NUP50: variants seen among roughly 807,000 people sequenced by gnomAD.
NUP50 encodes the protein nuclear pore complex protein Nup50.
A neutral mutation model predicts 36.8 loss-of-function variants in NUP50; 14 were observed. The observed-to-expected ratio is 0.38, with a 90% confidence interval of 0.25 to 0.59. The LOEUF (loss-of-function observed/expected upper bound fraction) is 0.59. Among genes scored for constraint, NUP50 ranks in the 20% least tolerant of loss-of-function variants. NUP50 has a pLI of 0.63. For missense variants in NUP50, 455 were observed against 564.6 expected, an observed-to-expected ratio of 0.81 and a Z score of 1.97; for synonymous variants, 195 against 210.8, an observed-to-expected ratio of 0.93 and a Z score of 0.65.
chr22:45,174,500 T>A (rs1469144530), intron 3 of NUP50, among the ~76,000 whole-genome samples: 1 of 152,204 alleles, frequency 6.6e-6, no homozygotes, highest in African/African-American at 2.4e-5. Flanking sequence ...CTTAATCAAC[T>A]TTTACTCTCA....
At chr22:45,166,556 G>C (rs896038085) in intron 1 of NUP50, 1 of 151,836 alleles carries the variant, frequency 6.6e-6, no homozygotes, top group Non-Finnish European at 1.5e-5. Context: ...CAAAGTGCTG[G>C]GATTACAGGC....
intron 7 of NUP50, 140 bp from the exon 8 acceptor site, chr22:45,184,313 C>A: frequency 1.3e-6 from 1 of 761,364 alleles, no homozygotes; most frequent in Non-Finnish European, 2.1e-6. Context: ...GGGAACCAGT[C>A]CTGATTTTGT....
intron 4 of NUP50, among the ~76,000 whole-genome samples, chr22:45,177,448 T>G (rs541988399): frequency 7.2e-5 from 11 of 152,304 alleles, no homozygotes; most frequent in African/African-American, 2.6e-4. Flanking sequence ...CCCAAAGTGT[T>G]GGGATTACAT....
At chr22:45,176,761 TA>T (rs1427058022) in intron 4 of NUP50, among the ~76,000 whole-genome samples, 2 of 152,134 alleles carry the variant, frequency 1.3e-5, no homozygotes, top group Non-Finnish European at 2.9e-5. Flanking sequence ...TTGTTTTTTC[TA>T]AGTTGGAGTC....
intron 5 of NUP50, among the ~76,000 whole-genome samples, chr22:45,180,644 C>G (rs1027119442): frequency 2.0e-5 from 3 of 152,170 alleles, no homozygotes; most frequent in African/African-American, 7.2e-5. Context: ...CTGCAGCGTG[C>G]TGGGATTACA....
chr22:45,171,131 T>G, intron 2 of NUP50: 1 of 1,238,396 alleles, frequency 8.1e-7, no homozygotes, highest in Non-Finnish European at 1.0e-6. Flanking sequence ...CTCCGTGGCC[T>G]TTCGTACAGT....
intron 5 of NUP50, among the ~76,000 whole-genome samples, 160 bp from the exon 6 acceptor site, chr22:45,181,126 C>T (rs2074362389): frequency 7.8e-6 from 1 of 127,762 alleles, no homozygotes; most frequent in Admixed American, 8.8e-5. Context: ...CAGGTACTCC[C>T]TTCTGGCATC....
rs1221590483 is a variant in NUP50, at chr22:45,187,228, C to CA, written c.*2580dup. On this transcript the variant is annotated 3_prime_UTR_variant, in exon 8 of 8. Coordinates refer to ENST00000347635, the MANE Select transcript of NUP50 (RefSeq NM_007172.4). ...CATCCTTTTGCGCATTCCTAGTAAG[C>CA]AAAAAAATTTGTTATGCCATCTTCA... The CA allele has an allele frequency of 2.1e-5, 3 of 144,008 alleles. No individual in the cohort carries two copies. The highest frequency in any genetic ancestry group is 4.5e-5 in the Non-Finnish European group (3 of 66,724). 8.9% of individuals were successfully genotyped at this position (144,008 alleles called of 1,614,324 possible). A position where few individuals can be genotyped will look rare whatever the true frequency, so the allele number is the denominator to read the frequency against.
chr22:45,177,664 CA>C (rs1333760856), intron 4 of NUP50: 1 of 153,134 alleles, frequency 6.5e-6, no homozygotes, highest in Non-Finnish European at 1.5e-5. Context: ...GATCACATCT[CA>C]GATAGGCGTC....
rs1050254310 is a variant in NUP50, at chr22:45,178,243, C to T, written c.346C>T (p.Leu116Phe). Reference sequence around the variant, plus strand: ...CAATTATTAACTTTCTATAGGTTCTCTTGCTGCAAATGGCCCTACCACCTT... The same window carrying T: ...CAATTATTAACTTTCTATAGGTTCTTTTGCTGCAAATGGCCCTACCACCTT... ...AADPKVAFGS[L>F]AANGPTTLVD... The change falls in exon 5 of 8, where the codon CTT becomes TTT. Residue 116 changes from leucine (L) to phenylalanine (F), a missense_variant. Around this residue, in one of 3 missense-constraint regions of NUP50, gnomAD observed 166 missense variants for 202.8 expected, o/e 0.82. Transcript: ENST00000347635. The T allele has an allele frequency of 2.7e-5, 43 of 1,612,022 alleles. No homozygotes were observed. The highest frequency in any genetic ancestry group is 3.5e-5 in the Non-Finnish European group (41 of 1,178,920).
chr22:45,173,801 A>C (rs1038530368), intron 3 of NUP50, among the ~76,000 whole-genome samples: 10 of 152,218 alleles, frequency 6.6e-5, no homozygotes, highest in Non-Finnish European at 1.3e-4. Flanking sequence ...CTTAAGCTGA[A>C]GGGATGAGGG....
At chr22:45,176,866 C>T (rs1445948190) in intron 4 of NUP50, among the ~76,000 whole-genome samples, 1 of 152,088 alleles carries the variant, frequency 6.6e-6, no homozygotes, top group South Asian at 2.1e-4. Context: ...CTCAGCCTCC[C>T]GAGTAGCTGG....
chr22:45,168,924 CAG>C (rs958452120), intron 2 of NUP50, among the ~76,000 whole-genome samples: 5 of 117,404 alleles, frequency 4.3e-5, no homozygotes, highest in South Asian at 5.4e-4. Flanking sequence ...TTTTTTGAGA[CAG>C]AGTCTCACCC....
At chr22:45,182,627 T>TTTG (rs975248931) in intron 6 of NUP50, among the ~76,000 whole-genome samples, 13 of 136,540 alleles carry the variant, frequency 9.5e-5, no homozygotes, top group South Asian at 2.4e-4. Context: ...AGGTTTGTTT[T>TTTG]TTTTTTTTTT....
chr22:45,165,011 A>G (rs2074072966), intron 1 of NUP50: 1 of 152,032 alleles, frequency 6.6e-6, no homozygotes, highest in Admixed American at 6.6e-5. Flanking sequence ...AAGGCACTTC[A>G]CTATTAAGTG....
At chr22:45,168,936 C>A (rs1054919509) in intron 2 of NUP50, among the ~76,000 whole-genome samples, 12 of 147,022 alleles carry the variant, frequency 8.2e-5, no homozygotes, top group African/African-American at 3.0e-4. Context: ...GAGTCTCACC[C>A]TGTTGCCCAG....
At chr22:45,167,907 G>A (rs1364707651) in intron 1 of NUP50, among the ~76,000 whole-genome samples, 1 of 151,988 alleles carries the variant, frequency 6.6e-6, no homozygotes, top group East Asian at 1.9e-4. Flanking sequence ...AAATGGAGTC[G>A]GTTTAGTGTT....
chr22:45,167,456 G>A (rs1442724907), intron 1 of NUP50, among the ~76,000 whole-genome samples: 1 of 152,308 alleles, frequency 6.6e-6, no homozygotes, highest in South Asian at 2.1e-4. Flanking sequence ...AGTTCACGCC[G>A]TTCCCCAACT....
In NUP50 at chr22:45,187,390, T is replaced by A. The variant is rs2083460315; in HGVS notation, c.*2735T>A. 6.7e-6 allele frequency: 1 copy of A among 150,330 alleles called. No homozygotes were observed. Among genetic ancestry groups the A allele is most frequent in the Non-Finnish European group, 1.5e-5 (1 of 67,806 alleles). 9.3% of individuals were successfully genotyped at this position (150,330 alleles called of 1,614,324 possible). A position where few individuals can be genotyped will look rare whatever the true frequency, so the allele number is the denominator to read the frequency against. On this transcript the variant is annotated 3_prime_UTR_variant, in exon 8 of 8. Coordinates refer to ENST00000347635, the MANE Select transcript of NUP50 (RefSeq NM_007172.4). ...TTATTCTGTTTTACAATTTCAATTC[T>A]AGATCACATTTTATATATGCTGCAT...
Sources: allele counts gnomAD v4.1 joint callset (sites outside exome capture counted in the v4.1 genomes callset), GRCh38; gene constraint gnomAD v4.1.1; regional missense constraint gnomAD v4.1.1; transcripts MANE v1.5; gene names NCBI Gene and HGNC (gene_info 2026-07-23, HGNC 2026-07-21).